The following SUPT20H variants were observed in gnomAD, a reference collection of about 807,000 sequenced individuals.
SUPT20H encodes the protein transcription factor SPT20 homolog.
SUPT20H carries 82 observed loss-of-function variants against 122.8 expected under a neutral mutation model. The ratio of observed to expected loss-of-function variants is 0.67; its 90% CI spans 0.56 to 0.80. SUPT20H has a LOEUF of 0.80. Among genes scored for constraint, SUPT20H ranks in the 30% least tolerant of loss-of-function variants. SUPT20H has a pLI of 0.00. For missense variants in SUPT20H, 831 were observed against 921.6 expected, an observed-to-expected ratio of 0.90 and a Z score of 1.27; for synonymous variants, 291 against 313.0, an observed-to-expected ratio of 0.93 and a Z score of 0.74.
intron 21 of SUPT20H, 57 bp from the exon 22 acceptor site, chr13:37,019,454 A>C: frequency 7.9e-7 from 1 of 1,259,604 alleles, no homozygotes; most frequent in Non-Finnish European, 1.1e-6. Flanking sequence ...ACATGAAAAT[A>C]ATTTATACTT....
chr13:37,025,711 T>C (rs937319709), intron 16 of SUPT20H: 2 of 312,202 alleles, frequency 6.4e-6, no homozygotes, highest in African/African-American at 2.2e-5. Context: ...ATTACTTAAG[T>C]AATAAGCAGC....
chr13:37,030,176 A>G (rs1003884596), intron 12 of SUPT20H, among the ~76,000 whole-genome samples: 2 of 152,194 alleles, frequency 1.3e-5, no homozygotes, highest in African/African-American at 4.8e-5. Flanking sequence ...CAGAGAGATA[A>G]GGATAAAGAT....
intron 22 of SUPT20H, 100 bp from the exon 23 acceptor site, chr13:37,017,464 A>C (rs1314135946): frequency 1.6e-6 from 2 of 1,219,788 alleles, no homozygotes; most frequent in Non-Finnish European, 2.2e-6. Context: ...GCTATGTGTC[A>C]CTCTTCTAGT....
At chr13:37,046,724 T>C (rs1396957370) in intron 5 of SUPT20H, 1 of 152,158 alleles carries the variant, frequency 6.6e-6, no homozygotes, top group Non-Finnish European at 1.5e-5. Context: ...ATGAGGTGTT[T>C]CTATAATGCA....
chr13:37,047,654 T>C lies in SUPT20H; in HGVS notation c.99-53A>G, dbSNP rs149833759. The C allele has an allele frequency of 4.3e-5, 57 of 1,310,764 alleles. No individual in the cohort carries two copies. In the African/African-American group the frequency reaches 6.3e-4, roughly 14 times the overall value. 81.2% of individuals were successfully genotyped at this position (1,310,764 alleles called of 1,614,324 possible). ...TAAAATGTTAACAGAGTAATCATCATGACATGAATGTTATTTAATTTTTTC... is the reference window on the plus strand; with the variant it reads ...TAAAATGTTAACAGAGTAATCATCACGACATGAATGTTATTTAATTTTTTC... On this transcript the variant is annotated intron_variant, in intron 4 of 25. Transcript: ENST00000350612.
At chr13:37,037,841 A>AT (rs926746499) in intron 9 of SUPT20H, among the ~76,000 whole-genome samples, 28 of 152,090 alleles carry the variant, frequency 1.8e-4, no homozygotes, top group South Asian at 2.1e-4. Flanking sequence ...AACTAAGGCT[A>AT]TTTTTTTTAA....
intron 1 of SUPT20H, among the ~76,000 whole-genome samples, chr13:37,057,809 A>C (rs925100481): frequency 2.6e-5 from 4 of 152,166 alleles, no homozygotes; most frequent in Admixed American, 1.3e-4. Flanking sequence ...CCCCGTCTCT[A>C]CTAAAAACAC....
chr13:37,051,784 A>T, intron 1 of SUPT20H: 1 of 305,740 alleles, frequency 3.3e-6, no homozygotes, highest in Non-Finnish European at 6.0e-6. Flanking sequence ...AGTAGTTTCA[A>T]CTAGGAAAGG....
intron 9 of SUPT20H, chr13:37,039,660 AC>A: frequency 6.6e-6 from 1 of 152,162 alleles, no homozygotes; most frequent in Non-Finnish European, 1.5e-5. Context: ...TTAGGTATGC[AC>A]CTTACAGTCC....
At chr13:37,013,917 A>C (rs1006530239) in intron 23 of SUPT20H, 6 of 152,064 alleles carry the variant, frequency 3.9e-5, no homozygotes, top group Non-Finnish European at 5.9e-5. Flanking sequence ...AACAAACAAA[A>C]AAACTCAAAA....
intron 12 of SUPT20H, 92 bp from the exon 13 acceptor site, chr13:37,029,928 A>T: frequency 1.1e-6 from 1 of 949,754 alleles, no homozygotes; most frequent in Non-Finnish European, 1.6e-6. Context: ...GAAACTAAGT[A>T]ACTCGACAAT....
chr13:37,041,359 T>C (rs937746218), intron 7 of SUPT20H, among the ~76,000 whole-genome samples: 4 of 151,694 alleles, frequency 2.6e-5, no homozygotes, highest in African/African-American at 7.3e-5. Flanking sequence ...CTACTAAAAA[T>C]ACAAAAAAAT....
chr13:37,054,333 C>A (rs1394312464), intron 1 of SUPT20H, among the ~76,000 whole-genome samples: 2 of 152,122 alleles, frequency 1.3e-5, no homozygotes, highest in African/African-American at 2.4e-5. Context: ...AATTTTAGAC[C>A]AATATCCCTG....
Position 37,028,219 on chromosome 13 carries a change from A to G in SUPT20H, c.1080T>C (p.Asp360=). 1.2e-6 allele frequency: 2 copies of G among 1,613,494 alleles called. No individual in the cohort carries two copies. The highest frequency in any genetic ancestry group is 1.7e-6 in the Non-Finnish European group (2 of 1,179,800). The change falls in exon 14 of 26, where the codon GAT becomes GAC. Residue 360 remains aspartate, a synonymous_variant. Transcript: ENST00000350612. ...TKLTILQSLG[D]PLYYGKIQPC... Reference sequence around the variant, plus strand: ...GCTGTATTTTACCATAGTAAAGTGGATCTCCAAGCGACTGCAAGATGGTCA... The same window carrying G: ...GCTGTATTTTACCATAGTAAAGTGGGTCTCCAAGCGACTGCAAGATGGTCA...
intron 4 of SUPT20H, 115 bp from the exon 5 acceptor site, chr13:37,047,716 C>T (rs2066766889): frequency 8.2e-7 from 1 of 1,212,688 alleles, no homozygotes; most frequent in Non-Finnish European, 1.1e-6. Context: ...TTCCCAAAAA[C>T]TGGGGTGGAG....
At chr13:37,020,213 T>C (rs1019411741) in intron 21 of SUPT20H, among the ~76,000 whole-genome samples, 28 of 152,208 alleles carry the variant, frequency 1.8e-4, no homozygotes, top group Non-Finnish European at 2.9e-5. Flanking sequence ...TCATTTTTTT[T>C]TTTTAAAGAT....
intron 20 of SUPT20H, 32 bp from the exon 21 acceptor site, chr13:37,021,634 C>T (rs1334205658): frequency 1.7e-5 from 27 of 1,568,490 alleles, no homozygotes; most frequent in Non-Finnish European, 2.2e-5. Context: ...CATTAAACTT[C>T]ACTGTAAAAG....
chr13:37,041,313 C>A (rs533877000), intron 7 of SUPT20H, among the ~76,000 whole-genome samples: 2 of 151,970 alleles, frequency 1.3e-5, no homozygotes, highest in African/African-American at 4.8e-5. Flanking sequence ...GTCAGGAGAT[C>A]GAGACCATCC....
At chr13:37,048,359 G>T (rs1164132520) in intron 3 of SUPT20H, among the ~76,000 whole-genome samples, 1 of 152,054 alleles carries the variant, frequency 6.6e-6, no homozygotes. Flanking sequence ...GTTTTATTCT[G>T]TAACATTATT....
Sources: allele counts gnomAD v4.1 joint callset (sites outside exome capture counted in the v4.1 genomes callset), GRCh38; gene constraint gnomAD v4.1.1; transcripts MANE v1.5; gene names NCBI Gene and HGNC (gene_info 2026-07-23, HGNC 2026-07-21).